ARL6IP5: variants seen among roughly 807,000 people sequenced by gnomAD.
ARL6IP5 encodes ARF like GTPase 6 interacting protein 5.
Under a neutral mutation model 13.0 loss-of-function variants are expected in ARL6IP5, and 6 were observed. The observed-to-expected ratio is 0.46, with a 90% CI of 0.25 to 0.91. The LOEUF (loss-of-function observed/expected upper bound fraction) is 0.91. Ranked by LOEUF, ARL6IP5 falls within the 40% of genes least tolerant of loss-of-function variation. ARL6IP5 has a pLI of 0.17. For synonymous variants in ARL6IP5, 91 were observed against 91.9 expected (o/e 0.99, Z 0.06); for missense variants, 208 against 248.8 (o/e 0.84, Z 1.10).
At chr3:69,099,471 T>C (rs1014955638) in intron 1 of ARL6IP5, among the ~76,000 whole-genome samples, 9 of 152,364 alleles carry the variant, frequency 5.9e-5, no homozygotes, top group Non-Finnish European at 1.3e-4. Context: ...AGTTTGACAT[T>C]GATTTTATCC....
intron 1 of ARL6IP5, among the ~76,000 whole-genome samples, chr3:69,086,555 T>G (rs1332246002): frequency 6.6e-6 from 1 of 152,142 alleles, no homozygotes; most frequent in African/African-American, 2.4e-5. Flanking sequence ...GGGAATGGCT[T>G]GGTGTATAGA....
At chr3:69,102,139 A>C in intron 2 of ARL6IP5, 83 bp downstream of exon 2, 2 of 1,453,532 alleles carry the variant, frequency 1.4e-6, no homozygotes, top group Non-Finnish European at 1.9e-6. Flanking sequence ...CCCATTTCTT[A>C]TATGTGTTGG....
intron 1 of ARL6IP5, chr3:69,089,873 C>A: frequency 2.2e-6 from 1 of 456,572 alleles, no homozygotes; most frequent in Admixed American, 2.4e-5. Context: ...TAACTCCTCA[C>A]CATGTGGCCT....
chr3:69,099,498 C>T (rs1011638579), intron 1 of ARL6IP5, among the ~76,000 whole-genome samples: 1 of 152,202 alleles, frequency 6.6e-6, no homozygotes, highest in Non-Finnish European at 1.5e-5. Flanking sequence ...TTCACCCATT[C>T]AGGTGTGAAA....
At chr3:69,098,837 G>T (rs139505757) in intron 1 of ARL6IP5, among the ~76,000 whole-genome samples, 2 of 152,226 alleles carry the variant, frequency 1.3e-5, no homozygotes, top group East Asian at 3.9e-4. Flanking sequence ...AAAAATAGCT[G>T]TGTATACAAT....
chr3:69,096,807 T>C (rs1455784393), intron 1 of ARL6IP5, among the ~76,000 whole-genome samples: 1 of 152,072 alleles, frequency 6.6e-6, no homozygotes, highest in Admixed American at 6.5e-5. Context: ...TTTCACCATG[T>C]TGACCAGGAT....
chr3:69,104,353 A>G, intron 2 of ARL6IP5, 111 bp from the exon 3 acceptor site: 4 of 1,083,294 alleles, frequency 3.7e-6, no homozygotes, highest in Non-Finnish European at 5.4e-6. Flanking sequence ...AGCAGACTGG[A>G]CTGTGGCTAA....
intron 2 of ARL6IP5, 158 bp downstream of exon 2, chr3:69,102,214 A>G: frequency 1.4e-6 from 1 of 726,644 alleles, no homozygotes; most frequent in Non-Finnish European, 2.3e-6. Flanking sequence ...CTAGACCCAG[A>G]TAACACAGAA....
At chr3:69,094,084 C>G (rs193130082) in intron 1 of ARL6IP5, among the ~76,000 whole-genome samples, 1 of 152,292 alleles carries the variant, frequency 6.6e-6, no homozygotes, top group East Asian at 1.9e-4. Flanking sequence ...CCTGATTCAC[C>G]TCACCCTGAG....
At chr3:69,087,520 G>A (rs1679570406) in intron 1 of ARL6IP5, among the ~76,000 whole-genome samples, 1 of 151,702 alleles carries the variant, frequency 6.6e-6, no homozygotes, top group Non-Finnish European at 1.5e-5. Context: ...CATGTGTGCT[G>A]CCCAGACCAG....
At chr3:69,085,505 C>A (rs939235760) in intron 1 of ARL6IP5, among the ~76,000 whole-genome samples, 13 of 152,148 alleles carry the variant, frequency 8.5e-5, no homozygotes, top group Non-Finnish European at 1.6e-4. Flanking sequence ...AGTTCCCCCA[C>A]CCCCCTGCCC....
intron 1 of ARL6IP5, among the ~76,000 whole-genome samples, chr3:69,091,714 C>A (rs1160309300): frequency 1.1e-5 from 1 of 89,550 alleles, no homozygotes; most frequent in Admixed American, 1.5e-4. Flanking sequence ...TTGGTAGTTT[C>A]TGTTTCCTTT....
intron 1 of ARL6IP5, among the ~76,000 whole-genome samples, chr3:69,093,697 G>T (rs1484656640): frequency 1.3e-5 from 2 of 151,808 alleles, no homozygotes; most frequent in African/African-American, 4.8e-5. Flanking sequence ...GGGAGTCAGA[G>T]GTTGCAGCGA....
At chr3:69,091,693 T>A (rs940949460) in intron 1 of ARL6IP5, among the ~76,000 whole-genome samples, 2 of 148,062 alleles carry the variant, frequency 1.4e-5, no homozygotes, top group Non-Finnish European at 3.0e-5. Flanking sequence ...CCTGCTACTT[T>A]TGGCCTTTGG....
intron 1 of ARL6IP5, among the ~76,000 whole-genome samples, chr3:69,087,388 G>C (rs559389684): frequency 1.3e-5 from 2 of 152,248 alleles, no homozygotes; most frequent in South Asian, 4.1e-4. Context: ...TTGCAAAGAA[G>C]CAGGAGGGCA....
intron 1 of ARL6IP5, chr3:69,099,892 G>T (rs191868266): frequency 6.5e-6 from 1 of 152,830 alleles, no homozygotes; most frequent in East Asian, 1.9e-4. Context: ...TGGGGTGGGC[G>T]ACTATAATGC....
In ARL6IP5 at chr3:69,086,722, C is replaced by CTT. The variant is rs1207661746; in HGVS notation, c.176+1516_176+1517dup. Among the ~76,000 whole-genome samples, 100 of 132,422 alleles carry CTT rather than the reference C, an allele frequency of 7.6e-4. 1 individual carries two copies. The highest frequency in any genetic ancestry group is 4.4e-3 in the South Asian group (18 of 4,096). 86.9% of individuals were successfully genotyped at this position (132,422 alleles called of 152,430 possible). The stretch of plus-strand genomic sequence containing the variant: ...GCTTTCCTGGAACACTAAAAAATTT[C>CTT]TTTTTTTTTTTTTTTTTTGAGACTG... On this transcript the variant is annotated intron_variant, in intron 1 of 2. Coordinates refer to ENST00000273258, the MANE Select transcript of ARL6IP5 (RefSeq NM_006407.4).
intron 1 of ARL6IP5, among the ~76,000 whole-genome samples, chr3:69,098,625 A>C (rs893725258): frequency 6.6e-6 from 1 of 152,054 alleles, no homozygotes; most frequent in Non-Finnish European, 1.5e-5. Context: ...TCCTGACTTC[A>C]AAAGATCCAC....
intron 1 of ARL6IP5, among the ~76,000 whole-genome samples, chr3:69,085,476 C>T (rs1395369775): frequency 6.6e-6 from 1 of 152,128 alleles, no homozygotes; most frequent in Non-Finnish European, 1.5e-5. Flanking sequence ...ATTTGCCAGC[C>T]GCAGGGAAGA....
Sources: allele counts gnomAD v4.1 joint callset (sites outside exome capture counted in the v4.1 genomes callset), GRCh38; gene constraint gnomAD v4.1.1; transcripts MANE v1.5; gene names NCBI Gene and HGNC (gene_info 2026-07-23, HGNC 2026-07-21).